SPOCK1: variants seen among roughly 807,000 people sequenced by gnomAD.
The protein encoded by SPOCK1 is testican-1.
SPOCK1 carries 23 observed loss-of-function variants against 55.3 expected under a neutral mutation model. That is an observed-to-expected ratio of 0.42 (90% CI 0.30 to 0.59). SPOCK1 has a LOEUF of 0.59. Among genes scored for constraint, SPOCK1 ranks in the 20% least tolerant of loss-of-function variants. The pLI, the probability that SPOCK1 is intolerant of heterozygous loss-of-function variation, is 0.22. For missense variants in SPOCK1, 499 were observed against 552.5 expected (o/e 0.90, Z 0.97); for synonymous variants, 226 against 221.0 (o/e 1.02, Z -0.20).
At chr5:137,180,219 A>G (rs981411896) in intron 3 of SPOCK1, among the ~76,000 whole-genome samples, 2 of 152,166 alleles carry the variant, frequency 1.3e-5, no homozygotes, top group Non-Finnish European at 1.5e-5. Flanking sequence ...CACACAGCAC[A>G]TGCAAGCACT....
At chr5:137,315,052 C>A (rs767792278) in intron 2 of SPOCK1, among the ~76,000 whole-genome samples, 14 of 152,168 alleles carry the variant, frequency 9.2e-5, no homozygotes, top group Admixed American at 1.3e-4. Context: ...AAATAGGAAC[C>A]CTCACCTGTC....
chr5:137,066,987 C>CACACACACACACAG (rs1343691789), intron 6 of SPOCK1, among the ~76,000 whole-genome samples: 1 of 139,588 alleles, frequency 7.2e-6, no homozygotes, highest in East Asian at 2.0e-4. Flanking sequence ...CACACACACA[C>CACACACACACACAG]AGAGAGAGAG....
chr5:137,218,320 G>A (rs1755758584), intron 3 of SPOCK1, among the ~76,000 whole-genome samples: 1 of 152,234 alleles, frequency 6.6e-6, no homozygotes, highest in Non-Finnish European at 1.5e-5. Context: ...ACTGACCAGA[G>A]AGAAATAATA....
At chr5:137,286,433 G>T (rs1757267200) in intron 2 of SPOCK1, among the ~76,000 whole-genome samples, 1 of 152,212 alleles carries the variant, frequency 6.6e-6, no homozygotes, top group Admixed American at 6.5e-5. Flanking sequence ...GAACAAGAAT[G>T]CCAGGTCAGG....
chr5:137,170,447 G>T (rs1754731917), intron 3 of SPOCK1, among the ~76,000 whole-genome samples: 1 of 152,146 alleles, frequency 6.6e-6, no homozygotes, highest in Admixed American at 6.5e-5. Context: ...TGTGTATGTT[G>T]AAGTCACTGG....
chr5:136,988,682 T>C (rs370194147), intron 7 of SPOCK1, 39 bp from the exon 8 acceptor site: 41 of 1,573,476 alleles, frequency 2.6e-5, no homozygotes, highest in Non-Finnish European at 3.5e-5. Context: ...CCACCAAGCC[T>C]GATGCTTTCC....
intron 2 of SPOCK1, among the ~76,000 whole-genome samples, chr5:137,464,047 C>T (rs1489638386): frequency 7.2e-5 from 11 of 152,172 alleles, no homozygotes; most frequent in Non-Finnish European, 1.6e-4. Flanking sequence ...GCCTGTAATC[C>T]CAGCACTTTG....
chr5:137,091,501 C>T (rs562600019), intron 5 of SPOCK1, among the ~76,000 whole-genome samples: 2 of 152,296 alleles, frequency 1.3e-5, no homozygotes, highest in East Asian at 3.9e-4. Flanking sequence ...CCACTGGCAG[C>T]CTTTACATTT....
Position 137,071,840 on chromosome 5 carries a change from T to C in SPOCK1, c.475-4011A>G, listed in dbSNP as rs62387911. On this transcript the variant is annotated intron_variant, in intron 5 of 10. Transcript: ENST00000394945. ...CTCCCTCCTCCCTTCTCCCAGGTTCTTTCTAGGGAAGAACAGATACAGAAG... is the reference window on the plus strand; with the variant it reads ...CTCCCTCCTCCCTTCTCCCAGGTTCCTTCTAGGGAAGAACAGATACAGAAG... Among the ~76,000 whole-genome samples, 708 of 152,328 alleles carry C rather than the reference T, an allele frequency of 4.6e-3. 2 individuals are homozygous for C. Among genetic ancestry groups the C allele is most frequent in the Non-Finnish European group, 5.9e-3 (399 of 68,028 alleles).
chr5:137,397,924 T>C (rs1397376774), intron 2 of SPOCK1, among the ~76,000 whole-genome samples: 2 of 152,102 alleles, frequency 1.3e-5, no homozygotes. Flanking sequence ...TTAGTAAATA[T>C]TTATCAAGTG....
At chr5:137,176,652 C>T (rs1229508731) in intron 3 of SPOCK1, among the ~76,000 whole-genome samples, 1 of 152,112 alleles carries the variant, frequency 6.6e-6, no homozygotes, top group Non-Finnish European at 1.5e-5. Context: ...GAAAGATGAA[C>T]CCTTCATCAG....
chr5:137,132,021 A>ATATATATATAT (rs1561621235), intron 4 of SPOCK1, among the ~76,000 whole-genome samples: 13 of 68,514 alleles, frequency 1.9e-4, no homozygotes, highest in Admixed American at 5.3e-4. Context: ...TATATATATA[A>ATATATATATAT]AAAATTAGCT....
At chr5:137,085,885 C>T (rs1752954000) in intron 5 of SPOCK1, among the ~76,000 whole-genome samples, 1 of 152,134 alleles carries the variant, frequency 6.6e-6, no homozygotes, top group Non-Finnish European at 1.5e-5. Flanking sequence ...CTCCCTGCCC[C>T]AATAGTGTTA....
rs147551405 is a variant in SPOCK1 at position 137,376,028 on chromosome 5, T to C, written c.187-108973A>G. Reference sequence around the variant, plus strand: ...TCAAAAGCACTGAATGCAATAAAACTGTTGCTGGCTATCTCAACAACCAAG... The same window carrying C: ...TCAAAAGCACTGAATGCAATAAAACCGTTGCTGGCTATCTCAACAACCAAG... On this transcript the variant is annotated intron_variant, in intron 2 of 10. Transcript: ENST00000394945. Among the ~76,000 whole-genome samples the C allele has an allele frequency of 5.9e-3, 901 of 152,332 alleles. 12 individuals are homozygous for C. The highest frequency in any genetic ancestry group is 0.021 in the African/African-American group (859 of 41,570).
intron 2 of SPOCK1, among the ~76,000 whole-genome samples, chr5:137,349,683 T>A (rs1279892999): frequency 6.6e-6 from 1 of 152,236 alleles, no homozygotes; most frequent in Non-Finnish European, 1.5e-5. Context: ...GGTTTGCTCA[T>A]CTTTGGCATT....
At chr5:137,044,737 C>T (rs1466279506) in intron 6 of SPOCK1, among the ~76,000 whole-genome samples, 6 of 150,928 alleles carry the variant, frequency 4.0e-5, no homozygotes, top group South Asian at 2.1e-4. Context: ...TGGTGCGCTG[C>T]GCCCACTAAC....
intron 2 of SPOCK1, among the ~76,000 whole-genome samples, chr5:137,465,371 G>T (rs1165368470): frequency 1.3e-5 from 2 of 152,078 alleles, no homozygotes; most frequent in African/African-American, 2.4e-5. Flanking sequence ...CATGGGCAAA[G>T]CAAAGCCTTG....
At chr5:137,306,339 C>T (rs1028517715) in intron 2 of SPOCK1, among the ~76,000 whole-genome samples, 1 of 152,122 alleles carries the variant, frequency 6.6e-6, no homozygotes, top group East Asian at 1.9e-4. Context: ...GGAGTGTCCC[C>T]GATAACGCAG....
chr5:137,418,181 C>G, intron 2 of SPOCK1, among the ~76,000 whole-genome samples: 1 of 152,116 alleles, frequency 6.6e-6, no homozygotes, highest in Non-Finnish European at 1.5e-5. Context: ...ATATGTGCCA[C>G]ATTTTCTTAA....
Sources: gnomAD v4.1 joint callset for allele counts (sites outside exome capture counted in the v4.1 genomes callset) on GRCh38, gnomAD v4.1.1 for gene constraint, MANE v1.5 for transcripts, NCBI Gene and HGNC (gene_info 2026-07-23, HGNC 2026-07-21) for gene names.